Variants in MEMO1 observed in about 807,000 individuals in gnomAD.
MEMO1 encodes the protein protein MEMO1.
Under a neutral mutation model 45.2 loss-of-function variants are expected in MEMO1, and 6 were observed. The ratio of observed to expected loss-of-function variants is 0.13; its 90% CI spans 0.07 to 0.26. MEMO1 has a LOEUF of 0.26. Ranked by LOEUF, MEMO1 falls within the 10% of genes least tolerant of loss-of-function variation. The pLI is 1.00. For missense variants in MEMO1, 184 were observed against 370.5 expected, an observed-to-expected ratio of 0.50 and a Z score of 4.13; for synonymous variants, 78 against 124.3, an observed-to-expected ratio of 0.63 and a Z score of 2.48.
intron 6 of MEMO1, among the ~76,000 whole-genome samples, chr2:31,910,357 G>T (rs1415958544): frequency 6.6e-6 from 1 of 151,716 alleles, no homozygotes; most frequent in Non-Finnish European, 1.5e-5. Flanking sequence ...ACAAATGAGG[G>T]TAAAATAAAA....
At chr2:31,961,829 G>A (rs1020010318) in intron 2 of MEMO1, among the ~76,000 whole-genome samples, 4 of 151,914 alleles carry the variant, frequency 2.6e-5, no homozygotes, top group Non-Finnish European at 2.9e-5. Flanking sequence ...CTATGACATA[G>A]TTATTATCTG....
intron 2 of MEMO1, among the ~76,000 whole-genome samples, chr2:31,979,306 C>A (rs1172565617): frequency 6.6e-6 from 1 of 152,138 alleles, no homozygotes; most frequent in East Asian, 1.9e-4. Context: ...TGGGTGGGGA[C>A]ACAATGCCTA....
At chr2:31,893,449 T>C (rs2147997667) in intron 6 of MEMO1, 11 of 782,096 alleles carry the variant, frequency 1.4e-5, no homozygotes, top group Non-Finnish European at 1.7e-5. Flanking sequence ...TAAGACTGAT[T>C]GTCAATTGAA....
intron 6 of MEMO1, among the ~76,000 whole-genome samples, chr2:31,910,697 A>C (rs1680434580): frequency 6.6e-6 from 1 of 152,036 alleles, no homozygotes; most frequent in African/African-American, 2.4e-5. Context: ...CTGTCTCTAC[A>C]AAAAATTTAA....
At chr2:32,006,964 CAAAAAAA>C (rs67557055) in intron 2 of MEMO1, among the ~76,000 whole-genome samples, 11 of 75,972 alleles carry the variant, frequency 1.4e-4, no homozygotes, top group South Asian at 9.3e-4. Flanking sequence ...GATTCCATCT[CAAAAAAA>C]AAAAAAAAAA....
chr2:31,892,397 T>C (rs557056127), intron 6 of MEMO1, among the ~76,000 whole-genome samples: 10 of 152,202 alleles, frequency 6.6e-5, no homozygotes, highest in Non-Finnish European at 1.0e-4. Flanking sequence ...AAAAAAGCTA[T>C]TTTACTACCA....
chr2:31,993,771 A>G (rs917625303), intron 2 of MEMO1, among the ~76,000 whole-genome samples: 27 of 152,082 alleles, frequency 1.8e-4, no homozygotes. Context: ...CACTGATTAT[A>G]TGGCAGATTT....
Position 31,902,768 on chromosome 2 carries a change from T to C in MEMO1, c.438-10634A>G, listed in dbSNP as rs367980720. Among the ~76,000 whole-genome samples, 4 of 152,224 alleles carry C rather than the reference T, an allele frequency of 2.6e-5. No individual in the cohort carries two copies. In the East Asian group the frequency reaches 7.7e-4, roughly 29 times the overall value. On this transcript the variant is annotated intron_variant, in intron 6 of 9. Transcript: ENST00000404530. ...TTTGTTTGTTTTGTTTTTTTTTGTT[T>C]AGACACAGGATCTTGCTCTGTCACC...
intron 8 of MEMO1, among the ~76,000 whole-genome samples, chr2:31,877,924 C>T (rs1459965964): frequency 6.6e-6 from 1 of 152,140 alleles, no homozygotes; most frequent in Non-Finnish European, 1.5e-5. Context: ...GTATTGACCA[C>T]CTACTTATAT....
chr2:31,904,275 A>G (rs1427911372), intron 6 of MEMO1, among the ~76,000 whole-genome samples: 4 of 152,176 alleles, frequency 2.6e-5, no homozygotes, highest in African/African-American at 4.8e-5. Flanking sequence ...CCCACTTGGG[A>G]CACTGAATTC....
intron 7 of MEMO1, among the ~76,000 whole-genome samples, chr2:31,885,312 G>T (rs956767111): frequency 1.3e-5 from 2 of 152,008 alleles, no homozygotes; most frequent in Non-Finnish European, 2.9e-5. Context: ...TAAAGATGGG[G>T]TTTCACCATG....
chr2:31,915,607 G>C (rs1455508440), intron 6 of MEMO1, among the ~76,000 whole-genome samples: 2 of 151,544 alleles, frequency 1.3e-5, no homozygotes, highest in Non-Finnish European at 2.9e-5. Flanking sequence ...CTAGAGAGTA[G>C]CAAAAAAAAG....
In MEMO1 at chr2:31,868,807, C is replaced by T. The variant is rs142545704; in HGVS notation, c.763-315G>A. Among the ~76,000 whole-genome samples, 24 of 152,240 alleles carry T rather than the reference C, an allele frequency of 1.6e-4. No individual in the cohort carries two copies. The East Asian group carries it at 4.1e-3, about 26-fold the overall frequency. On this transcript the variant is annotated intron_variant, in intron 9 of 9. Coordinates refer to ENST00000404530, the MANE Select transcript of MEMO1 (RefSeq NM_001301833.4). ...AATATATTTCTCTTTACCGTATAAA[C>T]CAAATCCCTGGCCACTTCTGTCTTA...
chr2:31,898,064 T>C (rs767307640), intron 6 of MEMO1, among the ~76,000 whole-genome samples: 1 of 151,950 alleles, frequency 6.6e-6, no homozygotes, highest in Non-Finnish European at 1.5e-5. Context: ...GGTGATATCC[T>C]CTTTATCATT....
At chr2:31,933,493 T>C (rs949891797) in intron 3 of MEMO1, among the ~76,000 whole-genome samples, 3 of 150,878 alleles carry the variant, frequency 2.0e-5, no homozygotes, top group African/African-American at 7.3e-5. Flanking sequence ...TTGATTGTGA[T>C]AGTTTTATCC....
intron 3 of MEMO1, among the ~76,000 whole-genome samples, chr2:31,940,412 T>C (rs964332659): frequency 3.9e-5 from 6 of 152,200 alleles, no homozygotes; most frequent in Non-Finnish European, 8.8e-5. Flanking sequence ...CTAGATTCTA[T>C]ACGAACACTT....
intron 6 of MEMO1, among the ~76,000 whole-genome samples, chr2:31,893,691 T>C (rs1677287692): frequency 6.6e-6 from 1 of 152,156 alleles, no homozygotes; most frequent in Non-Finnish European, 1.5e-5. Context: ...TGTAAAATGA[T>C]CATAATTACA....
intron 2 of MEMO1, among the ~76,000 whole-genome samples, chr2:31,951,254 C>T (rs1205273745): frequency 6.6e-6 from 1 of 152,114 alleles, no homozygotes; most frequent in Non-Finnish European, 1.5e-5. Context: ...CAACTATTTT[C>T]CAAATGATAA....
chr2:31,902,503 T>C (rs961405335), intron 6 of MEMO1, among the ~76,000 whole-genome samples: 2 of 152,096 alleles, frequency 1.3e-5, no homozygotes, highest in Non-Finnish European at 2.9e-5. Context: ...AATCCATCCC[T>C]GCCACTCACA....
Sources: gnomAD v4.1 joint callset for allele counts (sites outside exome capture counted in the v4.1 genomes callset) on GRCh38, gnomAD v4.1.1 for gene constraint, MANE v1.5 for transcripts, NCBI Gene and HGNC (gene_info 2026-07-23, HGNC 2026-07-21) for gene names.